RECQL5: variants seen among roughly 807,000 people sequenced by gnomAD.
RECQL5 encodes ATP-dependent DNA helicase Q5.
Under a neutral mutation model 103.4 loss-of-function variants are expected in RECQL5, and 88 were observed. The ratio of observed to expected loss-of-function variants is 0.85; its 90% confidence interval spans 0.72 to 1.02. RECQL5 has a LOEUF of 1.02. RECQL5 is among the 50% of genes least tolerant of loss of function. RECQL5 has a pLI of 0.00. For synonymous variants in RECQL5, 552 were observed against 507.9 expected, an observed-to-expected ratio of 1.09 and a Z score of -1.17; for missense variants, 1,232 against 1,284.3, an observed-to-expected ratio of 0.96 and a Z score of 0.62.
chr17:75,658,361 A>G lies in RECQL5; in HGVS notation c.1086T>C (p.Tyr362=). ...RDGKPSWCRL[Y]YSRNDRDQVS... is the part of the protein sequence containing the mutation. ...CTTGGTCCCGGTCATTCCTGGAGTAATAGAGACGGCACCAGGAAGGCTTCC... is the reference window on the plus strand; with the variant it reads ...CTTGGTCCCGGTCATTCCTGGAGTAGTAGAGACGGCACCAGGAAGGCTTCC... Residue 362 remains tyrosine, a synonymous_variant, in exon 7 of 20, where the codon TAT becomes TAC. Coordinates refer to ENST00000317905, the MANE Select transcript of RECQL5 (RefSeq NM_004259.7). 5.0e-6 allele frequency: 8 copies of G among 1,613,962 alleles called. No individual in the cohort carries two copies. The highest frequency in any genetic ancestry group is 6.8e-6 in the Non-Finnish European group (8 of 1,179,932).
intron 8 of RECQL5, chr17:75,633,596 G>A: frequency 1.6e-6 from 2 of 1,225,902 alleles, no homozygotes; most frequent in South Asian, 2.8e-5. Flanking sequence ...AAAGCCTCCT[G>A]CTCAGCTTGA....
chr17:75,630,849 G>GT lies in RECQL5; in HGVS notation c.1586-13_1586-12insA. 6.9e-7 allele frequency: 1 copy of GT among 1,457,854 alleles called. No homozygotes were observed. The highest frequency in any genetic ancestry group is 9.2e-7 in the Non-Finnish European group (1 of 1,081,562). 90.3% of individuals were successfully genotyped at this position (1,457,854 alleles called of 1,614,324 possible). A position where few individuals can be genotyped will look rare whatever the true frequency, so the allele number is the denominator to read the frequency against. On this transcript the variant is annotated splice_polypyrimidine_tract_variant and intron_variant, in intron 11 of 19. Transcript: ENST00000317905. Reference sequence around the variant, plus strand: ...GGGACAGTTCTCATCTGTGGGGGGGGGGGGTGGTCCTTGGTCCTTTCGCTC... The same window carrying GT: ...GGGACAGTTCTCATCTGTGGGGGGGGTGGGGTGGTCCTTGGTCCTTTCGCTC...
intron 8 of RECQL5, among the ~76,000 whole-genome samples, chr17:75,641,727 T>G (rs1486594742): frequency 6.6e-6 from 1 of 152,220 alleles, no homozygotes; most frequent in Non-Finnish European, 1.5e-5. Flanking sequence ...ACCTTTGGCC[T>G]GCACATCCCA....
chr17:75,663,001 A>C lies in RECQL5; in HGVS notation c.253-4T>G. The C allele has an allele frequency of 3.2e-6, 5 of 1,582,746 alleles. No individual in the cohort carries two copies. Among genetic ancestry groups the C allele is most frequent in the Non-Finnish European group, 4.3e-6 (5 of 1,164,346 alleles). ...TTAGCAAGTGGTCCACTTGGTCCTA[A>C]GAGAAGAGAAAGAGGCTGTAACTGG... On this transcript the variant is annotated splice_polypyrimidine_tract_variant and splice_region_variant and intron_variant, in intron 3 of 19. Transcript: ENST00000317905.
chr17:75,660,766 C>T (rs568963083), intron 6 of RECQL5, among the ~76,000 whole-genome samples, 189 bp downstream of exon 6: 1 of 152,332 alleles, frequency 6.6e-6, no homozygotes, highest in South Asian at 2.1e-4. Flanking sequence ...CCATGCCGTG[C>T]AGTCACCTGG....
Position 75,640,952 on chromosome 17 carries a change from C to CA in RECQL5, c.1230-9285dup. The CA allele has an allele frequency of 6.5e-7, 1 of 1,529,006 alleles. No homozygotes were observed. Among genetic ancestry groups the CA allele is most frequent in the Non-Finnish European group, 8.8e-7 (1 of 1,139,950 alleles). 94.7% of individuals were successfully genotyped at this position (1,529,006 alleles called of 1,614,324 possible). On this transcript the variant is annotated intron_variant, in intron 8 of 19. Coordinates refer to ENST00000317905, the MANE Select transcript of RECQL5 (RefSeq NM_004259.7). The surrounding 1 kb of genome is among the most constrained non-coding windows in gnomAD (Gnocchi z 4.6). Reference sequence around the variant, plus strand: ...AGAGGAGATGGCCAATGCCATGACACAGGCCATCAGCCTGGCCCTGCAGCC... The same window carrying CA: ...AGAGGAGATGGCCAATGCCATGACACAAGGCCATCAGCCTGGCCCTGCAGCC...
chr17:75,634,363 A>C, intron 8 of RECQL5: 2 of 545,918 alleles, frequency 3.7e-6, no homozygotes, highest in Non-Finnish European at 4.7e-6. Flanking sequence ...TCCTGCACAC[A>C]CCTGCACTCT....
At chr17:75,631,419 G>A (rs770553909) in intron 9 of RECQL5, 31 bp downstream of exon 9, 53 of 1,596,808 alleles carry the variant, frequency 3.3e-5, no homozygotes, top group African/African-American at 1.6e-4. Flanking sequence ...CAATTCCAGC[G>A]GGTTGGAGCC....
intron 7 of RECQL5, 84 bp downstream of exon 7, chr17:75,658,214 G>T: frequency 6.9e-7 from 1 of 1,457,422 alleles, no homozygotes; most frequent in Non-Finnish European, 9.4e-7. Context: ...GCTTACACAA[G>T]CATCATCAGA....
Position 75,627,010 on chromosome 17 carries a change from C to G in RECQL5, c.*412G>C, listed in dbSNP as rs866071786. On this transcript the variant is annotated 3_prime_UTR_variant, in exon 20 of 20. Transcript: ENST00000317905. The stretch of plus-strand genomic sequence containing the variant: ...CCTGGGCAAGGCTGGAAGCTGGCAT[C>G]GTAATGGATGGGGGAGTGGGTGGAG... 1.9e-5 allele frequency: 7 copies of G among 373,000 alleles called. No individual in the cohort carries two copies. The Middle Eastern group carries it at 1.5e-3, about 82-fold the overall frequency. The allele number at this position is 373,000 out of a possible 1,614,324, so 23.1% of individuals were successfully genotyped here. A position where few individuals can be genotyped will look rare whatever the true frequency, so the allele number is the denominator to read the frequency against.
At chr17:75,641,620 C>T (rs2059436410) in intron 8 of RECQL5, among the ~76,000 whole-genome samples, 1 of 152,246 alleles carries the variant, frequency 6.6e-6, no homozygotes, top group African/African-American at 2.4e-5. Flanking sequence ...TGAGCTCTGC[C>T]AGGCTGAGGC....
intron 16 of RECQL5, 76 bp from the exon 17 acceptor site, chr17:75,628,838 A>G: frequency 1.3e-6 from 2 of 1,596,828 alleles, no homozygotes; most frequent in Non-Finnish European, 1.7e-6. Context: ...AGGAGAGCCC[A>G]TCTCAGGGGT....
At chr17:75,651,731 TGA>T (rs1218821087) in intron 7 of RECQL5, among the ~76,000 whole-genome samples, 4 of 152,236 alleles carry the variant, frequency 2.6e-5, no homozygotes, top group Non-Finnish European at 5.9e-5. Context: ...GATGAGCTTT[TGA>T]GAGTTTCCGA....
At chr17:75,652,002 G>A (rs1032457967) in intron 7 of RECQL5, among the ~76,000 whole-genome samples, 4 of 151,994 alleles carry the variant, frequency 2.6e-5, no homozygotes, top group Admixed American at 1.3e-4. Context: ...TGAGGTGGGC[G>A]GATCACCTGG....
intron 7 of RECQL5, among the ~76,000 whole-genome samples, chr17:75,655,478 C>T (rs907526585): frequency 1.3e-5 from 2 of 149,032 alleles, no homozygotes; most frequent in South Asian, 4.3e-4. Flanking sequence ...ATTCTCCTGC[C>T]TCAGCCTCCC....
At position 75,628,919 on chromosome 17, in the gene RECQL5, T is replaced by TA. The variant is rs754088259; in HGVS notation, c.2489+14dup. The TA allele has an allele frequency of 1.1e-5, 17 of 1,580,978 alleles. No individual in the cohort carries two copies. In the African/African-American group the frequency reaches 1.8e-4, roughly 17 times the overall value. ...TGTAGGTTCCAGAAGATTCTATGAC[T>TA]ACCTGTACCCTTACCTTGGCCTCTC... On this transcript the variant is annotated intron_variant, in intron 16 of 19. Coordinates refer to ENST00000317905, the MANE Select transcript of RECQL5 (RefSeq NM_004259.7).
Position 75,627,527 on chromosome 17 carries a change from A to T in RECQL5, c.2876-5T>A. On this transcript the variant is annotated splice_region_variant and splice_polypyrimidine_tract_variant and intron_variant, in intron 19 of 19. Coordinates refer to ENST00000317905, the MANE Select transcript of RECQL5 (RefSeq NM_004259.7). ...GGTTCTGGGCCTCTTCTTTCACTAC[A>T]GATTCAGGGTGGGGGCATGAGGAGG... 6.2e-7 allele frequency: 1 copy of T among 1,613,790 alleles called. No individual in the cohort carries two copies. Among genetic ancestry groups the T allele is most frequent in the South Asian group, 1.1e-5 (1 of 91,078 alleles).
At chr17:75,646,661 CTTT>C (rs1203319953) in intron 8 of RECQL5, 1 of 152,354 alleles carries the variant, frequency 6.6e-6, no homozygotes. Context: ...ACAGTTGCTT[CTTT>C]GAGTCAGGGT....
intron 8 of RECQL5, chr17:75,635,736 A>G (rs2059309046): frequency 1.0e-6 from 1 of 953,902 alleles, no homozygotes; most frequent in Admixed American, 6.2e-5. Flanking sequence ...AAGGGTGACT[A>G]AAACCCACCA....
Sources: allele counts gnomAD v4.1 joint callset (sites outside exome capture counted in the v4.1 genomes callset), GRCh38; gene constraint gnomAD v4.1.1; non-coding constraint Gnocchi (gnomAD v3.1); transcripts MANE v1.5; gene names NCBI Gene and HGNC (gene_info 2026-07-23, HGNC 2026-07-21).